LMX1A: variants seen among roughly 807,000 people sequenced by gnomAD.
LMX1A encodes the protein LIM homeobox transcription factor 1-alpha.
A neutral mutation model predicts 49.1 loss-of-function variants in LMX1A; 15 were observed. That is an observed-to-expected ratio of 0.31 (90% CI 0.20 to 0.47). LMX1A has a LOEUF of 0.47. LMX1A is among the 20% of genes least tolerant of loss of function. The pLI is 1.00. For synonymous variants in LMX1A, 167 were observed against 185.7 expected (o/e 0.90, Z 0.82); for missense variants, 372 against 475.8 (o/e 0.78, Z 2.03).
intron 4 of LMX1A, among the ~76,000 whole-genome samples, chr1:165,242,686 C>T (rs1448303120): frequency 6.6e-6 from 1 of 151,112 alleles, no homozygotes; most frequent in African/African-American, 2.4e-5. Context: ...ACCATCCTGC[C>T]TAACATGGTG....
chr1:165,271,758 CAAGCCAGAGG>C (rs1371831551), intron 3 of LMX1A, among the ~76,000 whole-genome samples: 1 of 152,098 alleles, frequency 6.6e-6, no homozygotes, highest in East Asian at 1.9e-4. Context: ...GAGGATGTGC[CAAGCCAGAGG>C]AAGCCAGAAG....
intron 5 of LMX1A, chr1:165,213,390 A>G: frequency 2.4e-6 from 1 of 417,776 alleles, no homozygotes; most frequent in Non-Finnish European, 4.2e-6. Context: ...GTGCTCTATG[A>G]AATGAAAGGT....
chr1:165,242,479 A>AAT (rs1652689920), intron 4 of LMX1A, among the ~76,000 whole-genome samples: 1 of 151,130 alleles, frequency 6.6e-6, no homozygotes, highest in African/African-American at 2.4e-5. Flanking sequence ...AAAAAAAAAA[A>AAT]GCATTTGGAT....
chr1:165,280,375 G>A (rs1654109817), intron 3 of LMX1A, among the ~76,000 whole-genome samples: 1 of 151,500 alleles, frequency 6.6e-6, no homozygotes, highest in Admixed American at 6.6e-5. Flanking sequence ...CCACCCCAAA[G>A]CACCCCACCC....
At chr1:165,208,891 C>T (rs1651232867) in intron 6 of LMX1A, among the ~76,000 whole-genome samples, 1 of 152,190 alleles carries the variant, frequency 6.6e-6, no homozygotes, top group South Asian at 2.1e-4. Flanking sequence ...TCGTGATCCA[C>T]CCGCCTCGGC....
At chr1:165,354,122 T>C (rs994031731) in intron 2 of LMX1A, among the ~76,000 whole-genome samples, 8 of 152,112 alleles carry the variant, frequency 5.3e-5, no homozygotes, top group Non-Finnish European at 7.4e-5. Context: ...GCCACCTATA[T>C]TGGCACTTTT....
intron 3 of LMX1A, among the ~76,000 whole-genome samples, chr1:165,335,654 C>T (rs143343799): frequency 2.6e-4 from 40 of 152,102 alleles, no homozygotes; most frequent in South Asian, 1.0e-3. Context: ...AACAAATTTG[C>T]TAATTATTTT....
chr1:165,249,739 G>C, intron 3 of LMX1A, 99 bp from the exon 4 acceptor site: 1 of 791,186 alleles, frequency 1.3e-6, no homozygotes, highest in Non-Finnish European at 2.1e-6. Context: ...TTCAAGAACT[G>C]GGATATGAAC....
chr1:165,315,487 T>C (rs1200353832), intron 3 of LMX1A, among the ~76,000 whole-genome samples: 1 of 152,244 alleles, frequency 6.6e-6, no homozygotes, highest in African/African-American at 2.4e-5. Context: ...CTAACAGCTG[T>C]AATTGGCATT....
At chr1:165,219,517 C>T (rs546659635) in intron 4 of LMX1A, among the ~76,000 whole-genome samples, 5 of 152,162 alleles carry the variant, frequency 3.3e-5, no homozygotes, top group Admixed American at 2.6e-4. Flanking sequence ...TCAGTCACTG[C>T]CCTGCACTAT....
chr1:165,235,385 C>T (rs1293784992), intron 4 of LMX1A, among the ~76,000 whole-genome samples: 2 of 146,858 alleles, frequency 1.4e-5, no homozygotes, highest in South Asian at 2.2e-4. Context: ...TCAGCACAAG[C>T]GCTCACACGT....
chr1:165,314,799 C>T lies in LMX1A; in HGVS notation c.263+38277G>A, dbSNP rs1205902219. Reference sequence around the variant, plus strand: ...TACAGTAGCCAGCATGTTGTCTTTACTCATACTAAGCACCCAATAATTATT... The same window carrying T: ...TACAGTAGCCAGCATGTTGTCTTTATTCATACTAAGCACCCAATAATTATT... On this transcript the variant is annotated intron_variant, in intron 3 of 8. Coordinates refer to ENST00000342310, the MANE Select transcript of LMX1A (RefSeq NM_177398.4). 4.6e-5 allele frequency among the ~76,000 whole-genome samples: 7 copies of T among 152,142 alleles called. No homozygotes were observed. In the East Asian group the frequency reaches 1.3e-3, roughly 29 times the overall value.
chr1:165,312,161 A>T (rs928478868), intron 3 of LMX1A, among the ~76,000 whole-genome samples: 14 of 152,138 alleles, frequency 9.2e-5, no homozygotes, highest in African/African-American at 2.7e-4. Context: ...CTCCCTTATT[A>T]TTATTCTAAT....
At chr1:165,336,041 A>G (rs1450301147) in intron 3 of LMX1A, among the ~76,000 whole-genome samples, 1 of 152,222 alleles carries the variant, frequency 6.6e-6, no homozygotes, top group Non-Finnish European at 1.5e-5. Flanking sequence ...ATTAGCATCC[A>G]TTTATCGAGG....
At chr1:165,288,697 T>C (rs987977991) in intron 3 of LMX1A, among the ~76,000 whole-genome samples, 3 of 152,238 alleles carry the variant, frequency 2.0e-5, no homozygotes, top group African/African-American at 7.2e-5. Context: ...CGTGTGTGTG[T>C]GCGTGTGTAT....
chr1:165,338,484 C>T (rs548783130), intron 3 of LMX1A, among the ~76,000 whole-genome samples: 1 of 152,288 alleles, frequency 6.6e-6, no homozygotes, highest in African/African-American at 2.4e-5. Flanking sequence ...AATGGCTTTC[C>T]AACAATCCCA....
intron 8 of LMX1A, among the ~76,000 whole-genome samples, chr1:165,204,524 G>C (rs1309511601): frequency 6.6e-6 from 1 of 152,206 alleles, no homozygotes; most frequent in African/African-American, 2.4e-5. Context: ...GTAATGCAAA[G>C]AAAAGGAAGG....
At chr1:165,273,561 T>C (rs912097820) in intron 3 of LMX1A, among the ~76,000 whole-genome samples, 2 of 151,656 alleles carry the variant, frequency 1.3e-5, no homozygotes, top group Non-Finnish European at 2.9e-5. Context: ...TTAAATATTA[T>C]TTCGTCTCCT....
intron 3 of LMX1A, among the ~76,000 whole-genome samples, chr1:165,264,888 C>T (rs1653565934): frequency 6.6e-6 from 1 of 151,818 alleles, no homozygotes; most frequent in African/African-American, 2.4e-5. Context: ...GCTTGGGAGA[C>T]AGAACAATAC....
Sources: gnomAD v4.1 joint callset for allele counts (sites outside exome capture counted in the v4.1 genomes callset) on GRCh38, gnomAD v4.1.1 for gene constraint, MANE v1.5 for transcripts, NCBI Gene and HGNC (gene_info 2026-07-23, HGNC 2026-07-21) for gene names.